The following CCDC90B variants were observed in gnomAD, a reference collection of about 807,000 sequenced individuals.
The protein encoded by CCDC90B is coiled-coil domain-containing protein 90B, mitochondrial.
A neutral mutation model predicts 37.0 loss-of-function variants in CCDC90B; 24 were observed. That is an observed-to-expected ratio of 0.65 (90% CI 0.47 to 0.91). The LOEUF (loss-of-function observed/expected upper bound fraction) is 0.91. Among genes scored for constraint, CCDC90B ranks in the 40% least tolerant of loss-of-function variants. The probability of loss-of-function intolerance (pLI) is 0.00; values close to 1 mark genes in which losing one functional copy is unlikely to be tolerated. For synonymous variants in CCDC90B, 113 were observed against 101.1 expected (o/e 1.12, Z -0.71); for missense variants, 319 against 299.0 (o/e 1.07, Z -0.49).
intron 1 of CCDC90B, among the ~76,000 whole-genome samples, 192 bp from the exon 2 acceptor site, chr11:83,280,452 C>T (rs61900307): frequency 0.032 from 4,840 of 152,280 alleles, 150 homozygotes; most frequent in South Asian, 0.081. Context: ...TCTGTACACA[C>T]CAAACATTCA....
intron 1 of CCDC90B, chr11:83,285,327 G>A: frequency 1.7e-6 from 2 of 1,189,568 alleles, no homozygotes; most frequent in Non-Finnish European, 2.1e-6. Context: ...GTTAACAGGG[G>A]TGCCAACAGG....
At chr11:83,271,529 G>C (rs929159769) in intron 7 of CCDC90B, among the ~76,000 whole-genome samples, 10 of 152,146 alleles carry the variant, frequency 6.6e-5, no homozygotes, top group Non-Finnish European at 1.2e-4. Flanking sequence ...CATCATCACT[G>C]GTCATCAGAG....
chr11:83,269,307 A>C (rs1302810758), intron 7 of CCDC90B, among the ~76,000 whole-genome samples: 1 of 151,758 alleles, frequency 6.6e-6, no homozygotes, highest in Non-Finnish European at 1.5e-5. Context: ...AGACACAACA[A>C]ACCCTTAAAA....
intron 7 of CCDC90B, among the ~76,000 whole-genome samples, chr11:83,270,193 A>G (rs963214866): frequency 2.0e-5 from 3 of 152,224 alleles, no homozygotes; most frequent in Admixed American, 6.5e-5. Flanking sequence ...CCCACAGCCA[A>G]TATCATACTG....
chr11:83,268,632 G>A (rs1864446963), intron 7 of CCDC90B, among the ~76,000 whole-genome samples: 1 of 152,114 alleles, frequency 6.6e-6, no homozygotes. Context: ...CCGACAAAAA[G>A]ACTTAGACTC....
chr11:83,267,903 C>T (rs868548797), intron 7 of CCDC90B, among the ~76,000 whole-genome samples: 4 of 152,158 alleles, frequency 2.6e-5, no homozygotes, highest in South Asian at 2.1e-4. Context: ...AGACTAACAG[C>T]GGACCTCTTG....
At chr11:83,285,224 T>G in intron 1 of CCDC90B, 1 of 1,282,936 alleles carries the variant, frequency 7.8e-7, no homozygotes, top group Non-Finnish European at 1.0e-6. Context: ...GGGAGGGAAG[T>G]TAAAAAACTG....
At chr11:83,279,881 C>T (rs1865282200) in intron 2 of CCDC90B, among the ~76,000 whole-genome samples, 1 of 151,758 alleles carries the variant, frequency 6.6e-6, no homozygotes, top group South Asian at 2.1e-4. Flanking sequence ...AACCTAGAAA[C>T]TCTAGTTTTT....
At chr11:83,272,998 T>C (rs962214028) in intron 7 of CCDC90B, among the ~76,000 whole-genome samples, 1 of 152,152 alleles carries the variant, frequency 6.6e-6, no homozygotes, top group Non-Finnish European at 1.5e-5. Context: ...ATTTTCCAAA[T>C]TGTTAAAATG....
intron 4 of CCDC90B, 123 bp downstream of exon 4, chr11:83,274,516 C>T (rs1591049527): frequency 3.6e-6 from 2 of 558,118 alleles, no homozygotes; most frequent in East Asian, 6.3e-5. Flanking sequence ...GTTTTTAAAT[C>T]TAAAAACTTA....
intron 1 of CCDC90B, among the ~76,000 whole-genome samples, chr11:83,284,503 C>A (rs1865568046): frequency 6.6e-6 from 1 of 152,212 alleles, no homozygotes; most frequent in Non-Finnish European, 1.5e-5. Flanking sequence ...TACTAACGTG[C>A]TACACTAGTT....
At chr11:83,268,043 C>G (rs939821642) in intron 7 of CCDC90B, among the ~76,000 whole-genome samples, 10 of 152,124 alleles carry the variant, frequency 6.6e-5, no homozygotes, top group African/African-American at 1.7e-4. Context: ...CCTTTACAGA[C>G]AAGCAAATGC....
At chr11:83,283,150 C>T (rs1865491139) in intron 1 of CCDC90B, among the ~76,000 whole-genome samples, 1 of 152,218 alleles carries the variant, frequency 6.6e-6, no homozygotes, top group Non-Finnish European at 1.5e-5. Flanking sequence ...ACTGAATCCC[C>T]AATGCCTACA....
At chr11:83,275,680 A>C (rs1257061206) in intron 3 of CCDC90B, among the ~76,000 whole-genome samples, 1 of 152,218 alleles carries the variant, frequency 6.6e-6, no homozygotes, top group Non-Finnish European at 1.5e-5. Context: ...AACCTTATTA[A>C]GGACTCTGTA....
intron 7 of CCDC90B, among the ~76,000 whole-genome samples, 190 bp from the exon 8 acceptor site, chr11:83,266,169 C>A (rs1864256160): frequency 6.6e-6 from 1 of 152,230 alleles, no homozygotes; most frequent in South Asian, 2.1e-4. Flanking sequence ...CAGCTCCACT[C>A]TGCAGCTCCC....
At chr11:83,281,150 G>A (rs546289144) in intron 1 of CCDC90B, among the ~76,000 whole-genome samples, 6 of 152,256 alleles carry the variant, frequency 3.9e-5, no homozygotes, top group African/African-American at 1.4e-4. Flanking sequence ...AGGTACTTCT[G>A]ACTCCAAATC....
Position 83,259,590 on chromosome 11 carries a change from A to C in CCDC90B, c.*2321T>G, listed in dbSNP as rs1863841351. On this transcript the variant is annotated 3_prime_UTR_variant, in exon 9 of 9. Transcript: ENST00000529689. ...ATTCTGGGTTGTGAATATAACTAAG[A>C]TGAAGAATGAATAAACTAATATAGA... 6.6e-6 allele frequency: 1 copy of C among 152,198 alleles called. No individual in the cohort carries two copies. Among genetic ancestry groups the C allele is most frequent in the Non-Finnish European group, 1.5e-5 (1 of 68,026 alleles). The allele number at this position is 152,198 out of a possible 1,614,324, so 9.4% of individuals were successfully genotyped here. A position where few individuals can be genotyped will look rare whatever the true frequency, so the allele number is the denominator to read the frequency against.
At chr11:83,279,826 A>G (rs1356302400) in intron 2 of CCDC90B, among the ~76,000 whole-genome samples, 2 of 150,272 alleles carry the variant, frequency 1.3e-5, no homozygotes, top group Non-Finnish European at 3.0e-5. Flanking sequence ...CTTTTTTTTT[A>G]TTTTTTAATC....
intron 2 of CCDC90B, 92 bp downstream of exon 2, chr11:83,280,049 A>C: frequency 8.0e-7 from 1 of 1,253,164 alleles, no homozygotes; most frequent in Non-Finnish European, 1.1e-6. Flanking sequence ...CTATTTAGTT[A>C]CTTTTGATTG....
Sources: allele counts gnomAD v4.1 joint callset (sites outside exome capture counted in the v4.1 genomes callset), GRCh38; gene constraint gnomAD v4.1.1; transcripts MANE v1.5; gene names NCBI Gene and HGNC (gene_info 2026-07-23, HGNC 2026-07-21).